Variants in ZBBX observed in about 807,000 individuals in gnomAD.
The protein encoded by ZBBX is zinc finger B-box domain-containing protein 1.
Under a neutral mutation model 108.5 loss-of-function variants are expected in ZBBX, and 101 were observed. The ratio of observed to expected loss-of-function variants is 0.93; its 90% CI spans 0.79 to 1.10. The LOEUF (loss-of-function observed/expected upper bound fraction) is 1.10, where lower values mean the gene tolerates loss of function less well. Among genes scored for constraint, ZBBX ranks in the 50% least tolerant of loss-of-function variants. The pLI is 0.00. For synonymous variants in ZBBX, 356 were observed against 323.4 expected (o/e 1.10, Z -1.08); for missense variants, 1,009 against 941.4 (o/e 1.07, Z -0.94).
chr3:167,322,274 G>A, intron 11 of ZBBX, 37 bp from the exon 12 acceptor site: 1 of 1,414,370 alleles, frequency 7.1e-7, no homozygotes. Context: ...ATTAAAATAA[G>A]CAAGTTTACA....
rs200992873 is a variant in ZBBX at position 167,262,089 on chromosome 3, G to A, written c.2255-19446C>T. Among the ~76,000 whole-genome samples the A allele has an allele frequency of 3.9e-5, 6 of 152,186 alleles. No individual in the cohort carries two copies. In the East Asian group the frequency reaches 9.7e-4, roughly 25 times the overall value. ...AATTAACTCAGCTCCAGGTAAAGTC[G>A]GAAACTTCTCACGCAAACAGAACTT... is the stretch of plus-strand genomic sequence containing the variant. On this transcript the variant is annotated intron_variant, in intron 20 of 21. Coordinates refer to ENST00000675490, the MANE Select transcript of ZBBX (RefSeq NM_001199201.2).
chr3:167,304,333 G>C (rs1227735238), intron 17 of ZBBX, among the ~76,000 whole-genome samples: 1 of 152,144 alleles, frequency 6.6e-6, no homozygotes, highest in Non-Finnish European at 1.5e-5. Flanking sequence ...TGTTTATATA[G>C]ATGTCACCTG....
chr3:167,317,594 A>G lies in ZBBX; in HGVS notation c.987T>C (p.Thr329=). 1 of 1,601,084 alleles carries G rather than the reference A, an allele frequency of 6.2e-7. No individual in the cohort carries two copies. Among genetic ancestry groups the G allele is most frequent in the African/African-American group, 1.3e-5 (1 of 74,326 alleles). The change falls in exon 13 of 22, where the codon ACT becomes ACC. Residue 329 remains threonine, a synonymous_variant. Transcript: ENST00000675490. ...GCATTTTAAAAAGTTGCTCTTGTGG[A>G]GTTCTACAAAATAAGAAAGAAGCAA... is the stretch of plus-strand genomic sequence containing the variant. ...EKLWLKKHRR[T]PQEQLFKMLP... is the part of the protein sequence containing the mutation.
At chr3:167,215,675 CA>C in the ZBBX span, among the ~76,000 whole-genome samples, 6 of 151,902 alleles carry the variant, frequency 3.9e-5, no homozygotes, top group Non-Finnish European at 4.4e-5. Flanking sequence ...AGACCCAAGA[CA>C]AAAAGAAAAC....
At chr3:167,257,179 C>T (rs369174763) in intron 20 of ZBBX, among the ~76,000 whole-genome samples, 1 of 152,060 alleles carries the variant, frequency 6.6e-6, no homozygotes, top group Non-Finnish European at 1.5e-5. Flanking sequence ...GTGGCTATTA[C>T]AAATGGAATT....
intron 9 of ZBBX, among the ~76,000 whole-genome samples, chr3:167,346,087 G>A (rs924621356): frequency 5.9e-4 from 90 of 151,674 alleles, no homozygotes; most frequent in African/African-American, 2.1e-3. Flanking sequence ...CTGATCTTAC[G>A]TTGCTAAAAG....
rs1455497408 is a variant in ZBBX, at chr3:167,273,843, G to A, written c.2254+8395C>T. The stretch of plus-strand genomic sequence containing the variant: ...TTAGATGCAATTGGAGTCCCACAGG[G>A]GGTACCTGATAGATTCAAAGCCTGA... On this transcript the variant is annotated intron_variant, in intron 20 of 21. Coordinates refer to ENST00000675490, the MANE Select transcript of ZBBX (RefSeq NM_001199201.2). Among the ~76,000 whole-genome samples, 3 of 152,256 alleles carry A rather than the reference G, an allele frequency of 2.0e-5. No homozygotes were observed. The South Asian group carries it at 6.2e-4, about 32-fold the overall frequency.
At chr3:167,195,587 T>A in the ZBBX span, among the ~76,000 whole-genome samples, 1 of 152,192 alleles carries the variant, frequency 6.6e-6, no homozygotes. Context: ...TTCTTCCTGG[T>A]AGGCACAGTA....
chr3:167,198,841 G>A, the ZBBX span, among the ~76,000 whole-genome samples: 1 of 152,308 alleles, frequency 6.6e-6, no homozygotes, highest in East Asian at 1.9e-4. Context: ...ACAGGATTCA[G>A]AAGTTTGGGT....
At chr3:167,183,130 C>T in the ZBBX span, among the ~76,000 whole-genome samples, 1 of 152,166 alleles carries the variant, frequency 6.6e-6, no homozygotes, top group Non-Finnish European at 1.5e-5. Flanking sequence ...CAAACCTCTC[C>T]CTCCTTTGCC....
chr3:167,187,159 C>A, the ZBBX span, among the ~76,000 whole-genome samples: 2 of 152,098 alleles, frequency 1.3e-5, no homozygotes, highest in African/African-American at 2.4e-5. Flanking sequence ...CCTCTCCTAT[C>A]ATTATAATAT....
At chr3:167,352,045 T>C (rs1284323284) in intron 8 of ZBBX, among the ~76,000 whole-genome samples, 1 of 150,188 alleles carries the variant, frequency 6.7e-6, no homozygotes, top group Non-Finnish European at 1.5e-5. Flanking sequence ...GTATATAGCA[T>C]CAAATGCCTA....
intron 20 of ZBBX, among the ~76,000 whole-genome samples, chr3:167,281,461 A>G (rs961715615): frequency 7.9e-5 from 12 of 152,210 alleles, no homozygotes; most frequent in Non-Finnish European, 1.2e-4. Flanking sequence ...CACTAACAGG[A>G]AAAACAACGG....
At chr3:167,332,306 C>CAT (rs397787893) in intron 10 of ZBBX, among the ~76,000 whole-genome samples, 43 of 151,676 alleles carry the variant, frequency 2.8e-4, no homozygotes, top group African/African-American at 8.5e-4. Context: ...CACACACACA[C>CAT]GTCTGAACCC....
At chr3:167,281,862 C>T (rs1404986394) in intron 20 of ZBBX, among the ~76,000 whole-genome samples, 1 of 152,148 alleles carries the variant, frequency 6.6e-6, no homozygotes, top group Non-Finnish European at 1.5e-5. Flanking sequence ...TTTAAAAGAT[C>T]TAATGGCTCA....
At chr3:167,316,280 T>C (rs1041627791) in intron 14 of ZBBX, among the ~76,000 whole-genome samples, 4 of 152,064 alleles carry the variant, frequency 2.6e-5, no homozygotes, top group Non-Finnish European at 4.4e-5. Flanking sequence ...ATAACAAAAA[T>C]AGCAGAAGCT....
chr3:167,185,741 G>A, the ZBBX span, among the ~76,000 whole-genome samples: 1 of 151,778 alleles, frequency 6.6e-6, no homozygotes, highest in Non-Finnish European at 1.5e-5. Flanking sequence ...TATATATGTT[G>A]TAATTCTATG....
At chr3:167,283,949 T>C (rs1342604780) in intron 19 of ZBBX, among the ~76,000 whole-genome samples, 1 of 152,156 alleles carries the variant, frequency 6.6e-6, no homozygotes, top group African/African-American at 2.4e-5. Context: ...ACTTCGAATG[T>C]GTCTAATACC....
the ZBBX span, among the ~76,000 whole-genome samples, chr3:167,191,119 T>C: frequency 3.3e-5 from 5 of 152,208 alleles, no homozygotes; most frequent in African/African-American, 1.2e-4. Flanking sequence ...TCTAGAGATC[T>C]AGGAGCATCC....
Sources: allele counts gnomAD v4.1 joint callset (sites outside exome capture counted in the v4.1 genomes callset), GRCh38; gene constraint gnomAD v4.1.1; transcripts MANE v1.5; gene names NCBI Gene and HGNC (gene_info 2026-07-23, HGNC 2026-07-21).